The following TNFAIP8 variants were observed in gnomAD, a reference collection of about 807,000 sequenced individuals.
TNFAIP8 encodes TNF alpha induced protein 8, also known as tumor necrosis factor alpha-induced protein 8.
A neutral mutation model predicts 13.3 loss-of-function variants in TNFAIP8; 7 were observed. That is an observed-to-expected ratio of 0.52 (90% CI 0.30 to 0.99). The LOEUF (loss-of-function observed/expected upper bound fraction) is 0.99, where lower values mean the gene tolerates loss of function less well. Ranked by LOEUF, TNFAIP8 falls within the 50% of genes least tolerant of loss-of-function variation. The pLI is 0.07. For missense variants in TNFAIP8, 258 were observed against 236.9 expected (o/e 1.09, Z -0.58); for synonymous variants, 94 against 87.6 (o/e 1.07, Z -0.41).
intron 1 of TNFAIP8, among the ~76,000 whole-genome samples, chr5:119,285,587 CTAAGA>C (rs903845984): frequency 1.3e-5 from 2 of 152,172 alleles, no homozygotes; most frequent in African/African-American, 4.8e-5. Context: ...CCTCTCATTG[CTAAGA>C]TAAGTGACTG....
intron 1 of TNFAIP8, among the ~76,000 whole-genome samples, chr5:119,335,265 T>C (rs1750516801): frequency 6.6e-6 from 1 of 152,174 alleles, no homozygotes; most frequent in African/African-American, 2.4e-5. Flanking sequence ...AACGTACTTC[T>C]CTTTTGCCTA....
chr5:119,376,468 G>A (rs1370428265), intron 1 of TNFAIP8, among the ~76,000 whole-genome samples: 1 of 152,128 alleles, frequency 6.6e-6, no homozygotes, highest in Non-Finnish European at 1.5e-5. Context: ...TATTTCATAT[G>A]TAAGAGTATT....
At chr5:119,299,654 C>G (rs1434474150) in intron 1 of TNFAIP8, among the ~76,000 whole-genome samples, 1 of 152,178 alleles carries the variant, frequency 6.6e-6, no homozygotes, top group African/African-American at 2.4e-5. Flanking sequence ...CAGACAGGGA[C>G]TTTTAAGTCT....
intron 1 of TNFAIP8, among the ~76,000 whole-genome samples, chr5:119,386,515 G>GTGTTT (rs3033647): frequency 0.47 from 71,697 of 150,966 alleles, 17,467 homozygotes; most frequent in African/African-American, 0.58. Flanking sequence ...AAAGAACCCA[G>GTGTTT]TGTTTTGTTT....
chr5:119,390,237 A>T (rs1752842262), intron 1 of TNFAIP8, among the ~76,000 whole-genome samples: 1 of 152,230 alleles, frequency 6.6e-6, no homozygotes, highest in South Asian at 2.1e-4. Flanking sequence ...CTTTATATGT[A>T]ATATATTACT....
At chr5:119,328,684 A>G (rs1027993509) in intron 1 of TNFAIP8, among the ~76,000 whole-genome samples, 6 of 152,188 alleles carry the variant, frequency 3.9e-5, no homozygotes, top group African/African-American at 1.4e-4. Flanking sequence ...TGATGGAGGG[A>G]GGATGAGAAA....
intron 1 of TNFAIP8, among the ~76,000 whole-genome samples, chr5:119,382,543 G>A (rs1220000457): frequency 6.6e-6 from 1 of 152,172 alleles, no homozygotes; most frequent in African/African-American, 2.4e-5. Flanking sequence ...AACGTTTACA[G>A]TATCTACCAT....
chr5:119,351,008 G>C (rs1231339648), intron 1 of TNFAIP8, among the ~76,000 whole-genome samples: 25 of 133,588 alleles, frequency 1.9e-4, no homozygotes, highest in African/African-American at 8.9e-4. Context: ...CTGTGTGTGT[G>C]TGTGTGTGTG....
upstream of TNFAIP8, chr5:119,355,957 C>G (rs1581637778): frequency 1.4e-6 from 2 of 1,469,378 alleles, no homozygotes; most frequent in East Asian, 5.5e-5. Flanking sequence ...TCTCCCGCCC[C>G]GGGGAGGTTT....
At chr5:119,391,629 G>T in intron 1 of TNFAIP8, 4 of 466,510 alleles carry the variant, frequency 8.6e-6, no homozygotes, top group Admixed American at 3.3e-5. Flanking sequence ...CATGGTGGAG[G>T]GTGCCTATAA....
At chr5:119,361,063 T>TA (rs1331925379) in intron 1 of TNFAIP8, among the ~76,000 whole-genome samples, 3 of 152,082 alleles carry the variant, frequency 2.0e-5, no homozygotes, top group Non-Finnish European at 4.4e-5. Context: ...GGGGAGAAGG[T>TA]ATGTATGTGT....
At chr5:119,381,238 C>A (rs978042039) in intron 1 of TNFAIP8, among the ~76,000 whole-genome samples, 3 of 152,288 alleles carry the variant, frequency 2.0e-5, no homozygotes, top group Non-Finnish European at 2.9e-5. Flanking sequence ...CCAAACAAAG[C>A]CTTCTTGAAA....
chr5:119,293,456 T>C (rs565782842), intron 1 of TNFAIP8, among the ~76,000 whole-genome samples: 1 of 152,360 alleles, frequency 6.6e-6, no homozygotes, highest in East Asian at 1.9e-4. Context: ...TTTGTCTTTC[T>C]GTGCCTGGCT....
chr5:119,274,861 T>A (rs545756545), intron 1 of TNFAIP8, among the ~76,000 whole-genome samples: 64 of 152,302 alleles, frequency 4.2e-4, no homozygotes, highest in African/African-American at 1.4e-3. Context: ...CTGGGACTAT[T>A]CCTGTGAACC....
At chr5:119,326,192 A>G (rs547648897) in intron 1 of TNFAIP8, among the ~76,000 whole-genome samples, 2 of 152,278 alleles carry the variant, frequency 1.3e-5, no homozygotes, top group East Asian at 3.9e-4. Flanking sequence ...TCGTTTAGGA[A>G]TGTGTGGTGT....
At position 119,393,245 on chromosome 5, in the gene TNFAIP8, G is replaced by A; in HGVS notation, c.461G>A (p.Arg154Gln). Residue 154 changes from arginine (R) to glutamine (Q), a missense_variant, in exon 2 of 2, where the codon CGG becomes CAG. Coordinates refer to ENST00000504771, the MANE Select transcript of TNFAIP8 (RefSeq NM_014350.4). ...CACCTCACTGCCAAGTCACATGGACGGGTTAATAATGTGTTTGATCATTTT... is the reference window on the plus strand; with the variant it reads ...CACCTCACTGCCAAGTCACATGGACAGGTTAATAATGTGTTTGATCATTTT... Reference protein sequence around the residue: ...QRHLTAKSHGRVNNVFDHFSD... With the variant: ...QRHLTAKSHGQVNNVFDHFSD... 1 of 1,613,936 alleles carries A rather than the reference G, an allele frequency of 6.2e-7. No individual in the cohort carries two copies.
At chr5:119,305,610 GT>G (rs1250324857) in intron 1 of TNFAIP8, among the ~76,000 whole-genome samples, 19 of 150,142 alleles carry the variant, frequency 1.3e-4, no homozygotes, top group Non-Finnish European at 2.4e-4. Context: ...TCTGTTAAGA[GT>G]TTTTTTTTTA....
intron 1 of TNFAIP8, among the ~76,000 whole-genome samples, chr5:119,389,621 T>G (rs570825606): frequency 6.6e-6 from 1 of 152,214 alleles, no homozygotes; most frequent in South Asian, 2.1e-4. Flanking sequence ...CAAGCCCCAG[T>G]TGGCTTCAAA....
chr5:119,337,002 C>T (rs935933812), intron 1 of TNFAIP8, among the ~76,000 whole-genome samples: 4 of 152,162 alleles, frequency 2.6e-5, no homozygotes, highest in African/African-American at 9.7e-5. Flanking sequence ...AGGCCAAATC[C>T]TCTAATATCA....
Sources: gnomAD v4.1 joint callset for allele counts (sites outside exome capture counted in the v4.1 genomes callset) on GRCh38, gnomAD v4.1.1 for gene constraint, MANE v1.5 for transcripts, NCBI Gene and HGNC (gene_info 2026-07-23, HGNC 2026-07-21) for gene names.